Variants in FGD4 observed in about 807,000 individuals in gnomAD.
FGD4 encodes the protein FYVE, RhoGEF and PH domain containing 4.
A neutral mutation model predicts 102.0 loss-of-function variants in FGD4; 42 were observed. That is an observed-to-expected ratio of 0.41 (90% CI 0.32 to 0.53). FGD4 has a LOEUF of 0.53. Among genes scored for constraint, FGD4 ranks in the 20% least tolerant of loss-of-function variants. The pLI is 0.21. For missense variants in FGD4, 902 were observed against 1,078.2 expected (o/e 0.84, Z 2.29); for synonymous variants, 380 against 375.7 (o/e 1.01, Z -0.13).
At chr12:32,579,279 G>A (rs1478827016) in intron 3 of FGD4, among the ~76,000 whole-genome samples, 1 of 151,944 alleles carries the variant, frequency 6.6e-6, no homozygotes, top group Non-Finnish European at 1.5e-5. Context: ...CCTGACCTCA[G>A]GTGATCTGCC....
intron 1 of FGD4, among the ~76,000 whole-genome samples, chr12:32,446,070 C>T (rs569360963): frequency 1.4e-4 from 22 of 152,232 alleles, no homozygotes; most frequent in Non-Finnish European, 2.2e-4. Context: ...GGAGAATCAC[C>T]TGACCCTAGA....
At chr12:32,453,739 A>C (rs942753795) in intron 1 of FGD4, among the ~76,000 whole-genome samples, 1 of 151,998 alleles carries the variant, frequency 6.6e-6, no homozygotes, top group African/African-American at 2.4e-5. Flanking sequence ...TATTTTTTAG[A>C]TTTTCATTTA....
chr12:32,631,015 C>G (rs1012539250), intron 14 of FGD4, among the ~76,000 whole-genome samples: 1 of 152,014 alleles, frequency 6.6e-6, no homozygotes, highest in Non-Finnish European at 1.5e-5. Context: ...ATATAAACTT[C>G]TATAAAAACA....
intron 4 of FGD4, among the ~76,000 whole-genome samples, chr12:32,590,309 T>TAAAAA (rs939160366): frequency 3.1e-4 from 25 of 80,490 alleles, no homozygotes; most frequent in Non-Finnish European, 5.5e-4. Context: ...AGACTTCATC[T>TAAAAA]AAAAAAAAAA....
chr12:32,570,025 G>A (rs557909074), intron 2 of FGD4, among the ~76,000 whole-genome samples: 263 of 152,008 alleles, frequency 1.7e-3, no homozygotes, highest in Non-Finnish European at 2.5e-3. Context: ...GGCGGATCAC[G>A]AGGTCAGGAG....
intron 4 of FGD4, among the ~76,000 whole-genome samples, chr12:32,587,343 A>G (rs1006881218): frequency 6.6e-6 from 1 of 151,972 alleles, no homozygotes; most frequent in African/African-American, 2.4e-5. Flanking sequence ...TAATTAAAAA[A>G]TTTTAATGGC....
At chr12:32,417,301 C>T (rs1401163134) in intron 1 of FGD4, among the ~76,000 whole-genome samples, 2 of 152,066 alleles carry the variant, frequency 1.3e-5, no homozygotes, top group African/African-American at 2.4e-5. Flanking sequence ...GTCTTTATTT[C>T]TCCTTCAAGC....
At chr12:32,522,036 CG>C (rs1238546374) in intron 1 of FGD4, among the ~76,000 whole-genome samples, 12 of 152,138 alleles carry the variant, frequency 7.9e-5, no homozygotes, top group Non-Finnish European at 1.3e-4. Context: ...CCCATTTAAA[CG>C]TGCATATGAT....
chr12:32,567,155 C>T (rs1945253350), intron 2 of FGD4, among the ~76,000 whole-genome samples: 1 of 152,202 alleles, frequency 6.6e-6, no homozygotes, highest in Non-Finnish European at 1.5e-5. Flanking sequence ...ATAAAATCCC[C>T]AGGAAGCCTT....
chr12:32,531,283 T>C (rs1184962544), intron 1 of FGD4, among the ~76,000 whole-genome samples: 3 of 152,268 alleles, frequency 2.0e-5, no homozygotes, highest in Middle Eastern at 6.8e-3. Flanking sequence ...AAATTGCTTT[T>C]ATTTGCTTCT....
intron 1 of FGD4, among the ~76,000 whole-genome samples, chr12:32,463,147 T>C (rs1334753279): frequency 1.3e-5 from 2 of 152,214 alleles, no homozygotes; most frequent in Non-Finnish European, 2.9e-5. Flanking sequence ...TTGGTGTGTA[T>C]GATCTCACTT....
intron 1 of FGD4, among the ~76,000 whole-genome samples, chr12:32,440,225 G>A (rs1942386079): frequency 6.6e-6 from 1 of 152,192 alleles, no homozygotes; most frequent in Non-Finnish European, 1.5e-5. Flanking sequence ...TTCAGTATCT[G>A]GGCATTGAAG....
chr12:32,561,070 G>GTTTTTTTTTTTTTTTTTTTT lies in FGD4; in HGVS notation c.167-3063_167-3062insTTTTTTTTTTTTTTTTTTTT, dbSNP rs1267043755. 4.1e-4 allele frequency among the ~76,000 whole-genome samples: 37 copies of GTTTTTTTTTTTTTTTTTTTT among 90,814 alleles called. 7 individuals carry two copies. Among genetic ancestry groups the GTTTTTTTTTTTTTTTTTTTT allele is most frequent in the Non-Finnish European group, 6.3e-4 (29 of 46,058 alleles). The allele number at this position is 90,814 out of a possible 152,430, so 59.6% of individuals were successfully genotyped here. ...AGCAGAAATGTGGTTTCTTTGTTGG[G>GTTTTTTTTTTTTTTTTTTTT]TTTTGTTTTTTTTTTTTTTTTTTTT... On this transcript the variant is annotated intron_variant, in intron 1 of 16. Transcript: ENST00000534526.
intron 1 of FGD4, among the ~76,000 whole-genome samples, chr12:32,434,471 T>C (rs1231155385): frequency 6.6e-6 from 1 of 152,266 alleles, no homozygotes; most frequent in Non-Finnish European, 1.5e-5. Flanking sequence ...ATAAATTTTG[T>C]ACACACGAAA....
At chr12:32,524,167 C>A (rs914811361) in intron 1 of FGD4, among the ~76,000 whole-genome samples, 3 of 150,352 alleles carry the variant, frequency 2.0e-5, no homozygotes, top group African/African-American at 7.3e-5. Flanking sequence ...GAGGCCGAGG[C>A]GGGCGAATCA....
At chr12:32,510,918 G>C (rs1939297127) in intron 1 of FGD4, among the ~76,000 whole-genome samples, 2 of 152,178 alleles carry the variant, frequency 1.3e-5, no homozygotes, top group Admixed American at 6.5e-5. Context: ...GGAAGATACT[G>C]TAATGATACA....
chr12:32,401,966 A>C, intron 1 of FGD4, among the ~76,000 whole-genome samples: 1 of 144,164 alleles, frequency 6.9e-6, no homozygotes, highest in Non-Finnish European at 1.5e-5. Context: ...GCAGTGACGC[A>C]ATCTTGGCTC....
rs1029954461 is a variant in FGD4 at position 32,598,443 on chromosome 12, G to C, written c.1012-54G>C. 1.1e-5 allele frequency: 14 copies of C among 1,261,616 alleles called. No individual in the cohort carries two copies. The African/African-American group carries it at 2.1e-4, about 19-fold the overall frequency. The allele number at this position is 1,261,616 out of a possible 1,614,324, so 78.2% of individuals were successfully genotyped here. A position where few individuals can be genotyped will look rare whatever the true frequency, so the allele number is the denominator to read the frequency against. On this transcript the variant is annotated intron_variant, in intron 4 of 16. Transcript: ENST00000534526. ...ATTTGAAGAAGCGTTTTTTACTTTA[G>C]AAATATTGTCCAAGGTATCTTTCCT...
intron 3 of FGD4, among the ~76,000 whole-genome samples, chr12:32,580,932 T>G (rs1946565145): frequency 6.6e-6 from 1 of 151,906 alleles, no homozygotes; most frequent in Admixed American, 6.6e-5. Flanking sequence ...ACAGGAATAT[T>G]GTTATATGTT....
Sources: allele counts gnomAD v4.1 joint callset (sites outside exome capture counted in the v4.1 genomes callset), GRCh38; gene constraint gnomAD v4.1.1; transcripts MANE v1.5; gene names NCBI Gene and HGNC (gene_info 2026-07-23, HGNC 2026-07-21).